Variants in EPB41 observed in about 807,000 individuals in gnomAD.
EPB41 encodes protein 4.1.
EPB41 carries 65 observed loss-of-function variants against 108.0 expected under a neutral mutation model. The observed-to-expected ratio is 0.60, with a 90% CI of 0.49 to 0.74. EPB41 has a LOEUF of 0.74. Among genes scored for constraint, EPB41 ranks in the 30% least tolerant of loss-of-function variants. The probability of loss-of-function intolerance (pLI) is 0.00; values close to 1 mark genes in which losing one functional copy is unlikely to be tolerated. For missense variants in EPB41, 875 were observed against 1,037.0 expected, an observed-to-expected ratio of 0.84 and a Z score of 2.15; for synonymous variants, 336 against 358.9, an observed-to-expected ratio of 0.94 and a Z score of 0.72.
At chr1:28,983,703 A>G (rs951225461) in intron 1 of EPB41, among the ~76,000 whole-genome samples, 1 of 152,184 alleles carries the variant, frequency 6.6e-6, no homozygotes, top group African/African-American at 2.4e-5. Context: ...CGGGCCTCAC[A>G]GCAGTATCCA....
intron 1 of EPB41, among the ~76,000 whole-genome samples, chr1:28,963,019 A>T (rs2095263165): frequency 6.6e-6 from 1 of 152,092 alleles, no homozygotes; most frequent in African/African-American, 2.4e-5. Flanking sequence ...ATTTTTAGAT[A>T]TCTTTGCATT....
At position 28,933,035 on chromosome 1, in the gene EPB41, T is replaced by A. The variant is rs565592286; in HGVS notation, c.-8+18267T>A. On this transcript the variant is annotated intron_variant, in intron 1 of 20. Transcript: ENST00000343067. ...TGTTAGTATTGTGAATATATTTGAG[T>A]TGAATATATTTGGTATATTTAGTTT... is the stretch of plus-strand genomic sequence containing the variant. Among the ~76,000 whole-genome samples the A allele has an allele frequency of 2.2e-4, 33 of 152,346 alleles. No individual in the cohort carries two copies. In the South Asian group the frequency reaches 3.5e-3, roughly 16 times the overall value.
chr1:29,062,815 G>A (rs2150977042), intron 15 of EPB41, among the ~76,000 whole-genome samples: 1 of 152,012 alleles, frequency 6.6e-6, no homozygotes, highest in East Asian at 1.9e-4. Flanking sequence ...ATTCTATTTG[G>A]AACAGGTCCC....
At chr1:28,983,621 G>A (rs2095806256) in intron 1 of EPB41, among the ~76,000 whole-genome samples, 2 of 152,300 alleles carry the variant, frequency 1.3e-5, no homozygotes, top group African/African-American at 4.8e-5. Flanking sequence ...GCGAGTGAAC[G>A]AGGTGGGAAC....
chr1:29,077,000 T>G (rs1654349481), intron 16 of EPB41, among the ~76,000 whole-genome samples: 1 of 152,220 alleles, frequency 6.6e-6, no homozygotes, highest in Non-Finnish European at 1.5e-5. Context: ...ACAAATAATA[T>G]TTGTTTCACT....
intron 7 of EPB41, among the ~76,000 whole-genome samples, chr1:29,019,623 C>A (rs912673887): frequency 6.6e-6 from 1 of 152,142 alleles, no homozygotes; most frequent in Non-Finnish European, 1.5e-5. Context: ...TCCAAAGGAT[C>A]ACACTGCTCA....
At chr1:28,954,829 T>C (rs892751244) in intron 1 of EPB41, among the ~76,000 whole-genome samples, 1 of 152,186 alleles carries the variant, frequency 6.6e-6, no homozygotes, top group African/African-American at 2.4e-5. Context: ...GATGAAGTGA[T>C]TTCCAACCTT....
chr1:28,930,128 G>A (rs1477466385), intron 1 of EPB41, among the ~76,000 whole-genome samples: 1 of 144,854 alleles, frequency 6.9e-6, no homozygotes, highest in East Asian at 2.0e-4. Context: ...CATATAAATA[G>A]AATTATACAA....
In EPB41 at chr1:29,109,234, A is replaced by G. The variant is rs1668350236; in HGVS notation, c.2314-102A>G. 3.6e-5 allele frequency: 32 copies of G among 880,684 alleles called. No individual in the cohort carries two copies. In the South Asian group the frequency reaches 4.3e-4, roughly 12 times the overall value. 54.6% of individuals were successfully genotyped at this position (880,684 alleles called of 1,614,324 possible). ...AAAGAGGTCATTCTAAGGGAATGAG[A>G]TTTTTGCATCAGAATGTGCAGCTGA... On this transcript the variant is annotated intron_variant, in intron 17 of 20. Coordinates refer to ENST00000343067, the MANE Select transcript of EPB41 (RefSeq NM_001376013.1).
rs900668407 is a variant in EPB41, at chr1:29,087,903, A to G, written c.2185-9904A>G. On this transcript the variant is annotated intron_variant, in intron 16 of 20. Coordinates refer to ENST00000343067, the MANE Select transcript of EPB41 (RefSeq NM_001376013.1). ...TTTTAAATGAAATTGAGAATCTTCA[A>G]ATAATGTTTCTGTTCAGTTAAATAT... Among the ~76,000 whole-genome samples the G allele has an allele frequency of 2.6e-5, 4 of 152,180 alleles. No individual in the cohort carries two copies. The East Asian group carries it at 7.7e-4, about 29-fold the overall frequency.
intron 3 of EPB41, among the ~76,000 whole-genome samples, 162 bp downstream of exon 3, chr1:28,993,704 T>C (rs2096082575): frequency 6.9e-6 from 1 of 145,746 alleles, no homozygotes; most frequent in Admixed American, 7.2e-5. Context: ...TCACCCAGGC[T>C]GGAGTGCAGT....
At chr1:28,986,376 T>A (rs2095869685) in intron 1 of EPB41, among the ~76,000 whole-genome samples, 1 of 152,172 alleles carries the variant, frequency 6.6e-6, no homozygotes, top group South Asian at 2.1e-4. Context: ...GACGTGACAA[T>A]GCTCGTTGGC....
chr1:28,971,360 T>A (rs1174897997), intron 1 of EPB41, among the ~76,000 whole-genome samples: 1 of 151,818 alleles, frequency 6.6e-6, no homozygotes, highest in African/African-American at 2.4e-5. Flanking sequence ...ATTTTTGTAT[T>A]TTTAGTAGAG....
chr1:29,055,050 TAATA>T (rs888186634), intron 12 of EPB41, among the ~76,000 whole-genome samples: 9 of 151,924 alleles, frequency 5.9e-5, no homozygotes, highest in African/African-American at 1.9e-4. Context: ...AAAATAATAA[TAATA>T]AATAAACTGT....
chr1:29,037,035 A>G (rs1262154033), intron 10 of EPB41, among the ~76,000 whole-genome samples: 3 of 151,954 alleles, frequency 2.0e-5, no homozygotes, highest in Admixed American at 1.3e-4. Context: ...GGGAGCACAC[A>G]GAACCATATT....
chr1:29,096,133 G>T (rs1573888571), intron 16 of EPB41: 21 of 985,062 alleles, frequency 2.1e-5, no homozygotes, highest in Non-Finnish European at 2.5e-5. Context: ...TCTTGCTTTT[G>T]TATCTGTTCA....
chr1:28,967,705 A>T (rs2095394756), intron 1 of EPB41, among the ~76,000 whole-genome samples: 1 of 152,038 alleles, frequency 6.6e-6, no homozygotes, highest in Admixed American at 6.6e-5. Context: ...TCCTGGGCTT[A>T]AATGATCCTC....
intron 19 of EPB41, among the ~76,000 whole-genome samples, chr1:29,114,570 G>A (rs1670246706): frequency 6.7e-6 from 1 of 150,174 alleles, no homozygotes; most frequent in African/African-American, 2.5e-5. Context: ...TTGAACCCAG[G>A]AGGCAGAGGT....
intron 1 of EPB41, among the ~76,000 whole-genome samples, chr1:28,983,300 A>G (rs1460154422): frequency 6.6e-6 from 1 of 152,220 alleles, no homozygotes; most frequent in Non-Finnish European, 1.5e-5. Context: ...TGTGTCAAGT[A>G]TTTCCTGCTC....
Sources: gnomAD v4.1 joint callset for allele counts (sites outside exome capture counted in the v4.1 genomes callset) on GRCh38, gnomAD v4.1.1 for gene constraint, MANE v1.5 for transcripts, NCBI Gene and HGNC (gene_info 2026-07-23, HGNC 2026-07-21) for gene names.